Variants in GDA observed in about 807,000 individuals in gnomAD.
GDA encodes cytoplasmic PSD-95 interactor.
A neutral mutation model predicts 59.6 loss-of-function variants in GDA; 18 were observed. The observed-to-expected ratio is 0.30, with a 90% CI of 0.21 to 0.45. The LOEUF (loss-of-function observed/expected upper bound fraction) is 0.45. GDA is among the 20% of genes least tolerant of loss of function. The probability of loss-of-function intolerance (pLI) is 1.00; values close to 1 mark genes in which losing one functional copy is unlikely to be tolerated. For synonymous variants in GDA, 201 were observed against 201.1 expected, an observed-to-expected ratio of 1.00 and a Z score of 0.00; for missense variants, 427 against 552.3, an observed-to-expected ratio of 0.77 and a Z score of 2.27.
intron 2 of GDA, among the ~76,000 whole-genome samples, chr9:72,199,688 T>C (rs1833689748): frequency 6.6e-6 from 1 of 152,204 alleles, no homozygotes; most frequent in African/African-American, 2.4e-5. Flanking sequence ...CTTTCCAAAA[T>C]TGGGGGTCTT....
At position 72,123,182 on chromosome 9, in the gene GDA, T is replaced by TC. The variant is rs750301874; in HGVS notation, c.-100+8352dup. Among the ~76,000 whole-genome samples the TC allele has an allele frequency of 1.6e-3, 190 of 120,730 alleles. 3 individuals are homozygous for TC. The East Asian group carries it at 0.026, about 17-fold the overall frequency. The allele number at this position is 120,730 out of a possible 152,430, so 79.2% of individuals were successfully genotyped here. On this transcript the variant is annotated intron_variant, in intron 1 of 13. Transcript: ENST00000545168. ...CAGAGCTGTTTGTTTTCTTTTTTCT[T>TC]CCCTTTTTTTTTTTTTTTTGAGACC...
At chr9:72,115,753 T>C (rs1320763494) in intron 1 of GDA, among the ~76,000 whole-genome samples, 1 of 152,192 alleles carries the variant, frequency 6.6e-6, no homozygotes, top group Non-Finnish European at 1.5e-5. Flanking sequence ...AAATTGATCC[T>C]AAGTAAACTG....
Position 72,202,685 on chromosome 9 carries a change from T to C in GDA, c.327T>C (p.Pro109=). ...AGTGGCTGACCAAGTACACATTTCC[T>C]GCAGAACACAGATTCCAGAACATCG... The part of the protein sequence containing the change: ...LLEWLTKYTF[P]AEHRFQNIDF... Residue 109 remains proline (P), a synonymous_variant, in exon 3 of 14, where the codon CCT becomes CCC. Coordinates refer to ENST00000358399, the MANE Select transcript of GDA (RefSeq NM_004293.5). 6.2e-7 allele frequency: 1 copy of C among 1,613,848 alleles called. No homozygotes were observed. Among genetic ancestry groups the C allele is most frequent in the Non-Finnish European group, 8.5e-7 (1 of 1,179,786 alleles).
chr9:72,256,487 G>A (rs777281664), downstream of GDA, among the ~76,000 whole-genome samples: 6 of 152,196 alleles, frequency 3.9e-5, no homozygotes, highest in African/African-American at 7.2e-5. Context: ...TACATAGTCC[G>A]CAGAGAATAC....
chr9:72,154,198 A>G (rs556459292), intron 1 of GDA, among the ~76,000 whole-genome samples: 9 of 152,290 alleles, frequency 5.9e-5, no homozygotes, highest in East Asian at 5.8e-4. Flanking sequence ...AGCAAGTCCA[A>G]TGGAGGAATA....
chr9:72,224,343 A>G (rs1363619361), intron 7 of GDA, among the ~76,000 whole-genome samples: 1 of 152,220 alleles, frequency 6.6e-6, no homozygotes, highest in Non-Finnish European at 1.5e-5. Flanking sequence ...GACTTCCTCA[A>G]GGCCAGGGAT....
At chr9:72,158,500 G>A (rs926007293) in intron 1 of GDA, among the ~76,000 whole-genome samples, 1 of 151,932 alleles carries the variant, frequency 6.6e-6, no homozygotes, top group Non-Finnish European at 1.5e-5. Context: ...GGCTGAGGCA[G>A]GAGAATCCCT....
At chr9:72,259,141 C>T (rs1277029089), downstream of GDA, among the ~76,000 whole-genome samples, 3 of 151,922 alleles carry the variant, frequency 2.0e-5, no homozygotes, top group East Asian at 5.8e-4. Context: ...TCTTCTGCCT[C>T]AGCCTCCCAA....
At chr9:72,193,994 A>G (rs1298157326) in intron 1 of GDA, 1 of 152,214 alleles carries the variant, frequency 6.6e-6, no homozygotes, top group Non-Finnish European at 1.5e-5. Context: ...TTCTTAGTCA[A>G]CTTGTGAATT....
Position 72,219,460 on chromosome 9 carries a change from A to G in GDA, c.579-19A>G, listed in dbSNP as rs756676883. On this transcript the variant is annotated intron_variant, in intron 5 of 13. Coordinates refer to ENST00000358399, the MANE Select transcript of GDA (RefSeq NM_004293.5). ...AGAAAATGCTCAAGTTTTCTAACCC[A>G]TTTGTTGCTTTATTTCAGATTTGTG... is the stretch of plus-strand genomic sequence containing the variant. 2 of 1,554,682 alleles carry G rather than the reference A, an allele frequency of 1.3e-6. No homozygotes were observed. Among genetic ancestry groups the G allele is most frequent in the South Asian group, 1.2e-5 (1 of 85,878 alleles).
intron 5 of GDA, among the ~76,000 whole-genome samples, chr9:72,215,347 T>G (rs1473288018): frequency 6.6e-6 from 1 of 151,652 alleles, no homozygotes; most frequent in Non-Finnish European, 1.5e-5. Context: ...TTTTTTTTTG[T>G]AATGAAACCA....
intron 10 of GDA, among the ~76,000 whole-genome samples, chr9:72,237,028 C>A (rs1047726663): frequency 6.6e-6 from 1 of 152,148 alleles, no homozygotes; most frequent in African/African-American, 2.4e-5. Flanking sequence ...AATCCACCTG[C>A]CTTGGCCTCC....
chr9:72,219,780 A>G (rs1836619099), intron 6 of GDA, among the ~76,000 whole-genome samples: 1 of 152,208 alleles, frequency 6.6e-6, no homozygotes, highest in Non-Finnish European at 1.5e-5. Flanking sequence ...TACATTGTTT[A>G]TTGATTATTA....
intron 1 of GDA, among the ~76,000 whole-genome samples, chr9:72,154,770 T>C (rs555306274): frequency 3.3e-5 from 5 of 152,250 alleles, no homozygotes; most frequent in African/African-American, 4.8e-5. Context: ...GCAAAGGCCA[T>C]GTTCTCTTTA....
chr9:72,129,910 A>G (rs1825968350), intron 1 of GDA, among the ~76,000 whole-genome samples: 1 of 152,204 alleles, frequency 6.6e-6, no homozygotes, highest in Non-Finnish European at 1.5e-5. Flanking sequence ...AGGACACTCA[A>G]TCTTGCCAAC....
intron 1 of GDA, among the ~76,000 whole-genome samples, chr9:72,126,605 C>T (rs1483808368): frequency 7.1e-6 from 1 of 140,542 alleles, no homozygotes; most frequent in Non-Finnish European, 1.5e-5. Context: ...CTCATTCTGT[C>T]ACCTAGGCTG....
In GDA at chr9:72,225,712, T is replaced by C. The variant is rs191316725; in HGVS notation, c.750T>C (p.Ala250=). ...GTGAAAATCGTGATGAAGTTGAAGC[T>C]GTGAAAAACTTATACCCCAGTTATA... ...HISENRDEVE[A]VKNLYPSYKN... Residue 250 remains alanine, a synonymous_variant, in exon 8 of 14, where the codon GCT becomes GCC. Coordinates refer to ENST00000358399, the MANE Select transcript of GDA (RefSeq NM_004293.5). 5.1e-5 allele frequency: 79 copies of C among 1,545,852 alleles called. No homozygotes were observed. The East Asian group carries it at 1.7e-3, about 34-fold the overall frequency.
chr9:72,189,096 T>C (rs942557816), intron 1 of GDA, among the ~76,000 whole-genome samples: 1 of 151,140 alleles, frequency 6.6e-6, no homozygotes, highest in Non-Finnish European at 1.5e-5. Context: ...GGCTCACAGC[T>C]GTAGGAATAT....
At chr9:72,232,208 CT>C (rs1838441405) in intron 10 of GDA, among the ~76,000 whole-genome samples, 3 of 152,130 alleles carry the variant, frequency 2.0e-5, no homozygotes, top group Non-Finnish European at 4.4e-5. Flanking sequence ...ATGCCTTTAT[CT>C]TCCTCATATT....
Sources: allele counts gnomAD v4.1 joint callset (sites outside exome capture counted in the v4.1 genomes callset), GRCh38; gene constraint gnomAD v4.1.1; transcripts MANE v1.5; gene names NCBI Gene and HGNC (gene_info 2026-07-23, HGNC 2026-07-21).